Variants in ARHGAP27 observed in about 807,000 individuals in gnomAD.
ARHGAP27 encodes the protein Rho GTPase activating protein 27.
A neutral mutation model predicts 102.0 loss-of-function variants in ARHGAP27; 53 were observed. That is an observed-to-expected ratio of 0.52 (90% CI 0.42 to 0.65). The LOEUF (loss-of-function observed/expected upper bound fraction) is 0.65. Among genes scored for constraint, ARHGAP27 ranks in the 30% least tolerant of loss-of-function variants. The pLI, the probability that ARHGAP27 is intolerant of heterozygous loss-of-function variation, is 0.00. For missense variants in ARHGAP27, 1,117 were observed against 1,256.2 expected (o/e 0.89, Z 1.68); for synonymous variants, 525 against 542.8 (o/e 0.97, Z 0.46).
chr17:45,395,228 C>T lies in ARHGAP27; in HGVS notation c.*228G>A, dbSNP rs1597745510. ...AAACCGAATTAACCCCCAAACAGGACGTGACGGGAAGGGAAGGGGGGATGG... is the reference window on the plus strand; with the variant it reads ...AAACCGAATTAACCCCCAAACAGGATGTGACGGGAAGGGAAGGGGGGATGG... On this transcript the variant is annotated 3_prime_UTR_variant, in exon 20 of 20. Transcript: ENST00000685559. 3 of 594,032 alleles carry T rather than the reference C, an allele frequency of 5.1e-6. No homozygotes were observed. In the East Asian group the frequency reaches 8.7e-5, roughly 17 times the overall value. 36.8% of individuals were successfully genotyped at this position (594,032 alleles called of 1,614,324 possible). A position where few individuals can be genotyped will look rare whatever the true frequency, so the allele number is the denominator to read the frequency against.
intron 4 of ARHGAP27, among the ~76,000 whole-genome samples, chr17:45,412,871 T>C (rs2048062445): frequency 6.6e-6 from 1 of 151,022 alleles, no homozygotes; most frequent in Non-Finnish European, 1.5e-5. Context: ...GGAAGTGGTT[T>C]GGGCCGGGAC....
At position 45,404,987 on chromosome 17, in the gene ARHGAP27, G is replaced by A; in HGVS notation, c.1185C>T (p.Gly395=). ...GPTSPLTTPP[G]WSCHVSQDKQ... ...TGTCCTGGCTGACATGACAAGACCA[G>A]CCGGGGGGTGTGGTCAAGGGAGAGG... Residue 395 remains glycine (G), a synonymous_variant, in exon 6 of 20, where the codon GGC becomes GGT. Coordinates refer to ENST00000685559, the MANE Select transcript of ARHGAP27 (RefSeq NM_001282290.2). 1 of 1,614,128 alleles carries A rather than the reference G, an allele frequency of 6.2e-7. No individual in the cohort carries two copies. Among genetic ancestry groups the A allele is most frequent in the Non-Finnish European group, 8.5e-7 (1 of 1,180,000 alleles).
chr17:45,395,394 G>A lies in ARHGAP27; in HGVS notation c.*62C>T. ...CAGAGAGAAGAAGGCCCGGCTGCGT[G>A]GCCTCCGCCGCCCAGCTTGTGTGGC... On this transcript the variant is annotated 3_prime_UTR_variant, in exon 20 of 20. Coordinates refer to ENST00000685559, the MANE Select transcript of ARHGAP27 (RefSeq NM_001282290.2). 4 of 1,501,142 alleles carry A rather than the reference G, an allele frequency of 2.7e-6. No homozygotes were observed. In the South Asian group the frequency reaches 5.2e-5, roughly 20 times the overall value. The allele number at this position is 1,501,142 out of a possible 1,614,324, so 93.0% of individuals were successfully genotyped here. A position where few individuals can be genotyped will look rare whatever the true frequency, so the allele number is the denominator to read the frequency against.
rs2049740626 is a variant in ARHGAP27 at position 45,427,558 on chromosome 17, G to A, written c.657+2065C>T. ...CTGGGACAACTAAGAGCAGGGATGG[G>A]GTTCCCTTGCGGGGGCAGGGCCAAC... On this transcript the variant is annotated intron_variant, in intron 4 of 19. Coordinates refer to ENST00000685559, the MANE Select transcript of ARHGAP27 (RefSeq NM_001282290.2). The surrounding 1 kb of genome is among the most constrained non-coding windows in gnomAD (Gnocchi z 4.5). Among the ~76,000 whole-genome samples the A allele has an allele frequency of 6.6e-6, 1 of 152,230 alleles. No individual in the cohort carries two copies. The highest frequency in any genetic ancestry group is 2.4e-5 in the African/African-American group (1 of 41,464).
In ARHGAP27 at chr17:45,396,202, C is replaced by G; in HGVS notation, c.2251+5G>C. On this transcript the variant is annotated splice_donor_5th_base_variant and intron_variant, in intron 17 of 19. Coordinates refer to ENST00000685559, the MANE Select transcript of ARHGAP27 (RefSeq NM_001282290.2). Reference sequence around the variant, plus strand: ...CCTGGGGCAGGGGTTGGGGACGGGCCTCACCGTGGTCCACCTTATAGCGTA... The same window carrying G: ...CCTGGGGCAGGGGTTGGGGACGGGCGTCACCGTGGTCCACCTTATAGCGTA... The G allele has an allele frequency of 6.2e-7, 1 of 1,607,920 alleles. No homozygotes were observed. Among genetic ancestry groups the G allele is most frequent in the Non-Finnish European group, 8.5e-7 (1 of 1,176,326 alleles).
In ARHGAP27 at chr17:45,404,509, C is replaced by T. The variant is rs760578058; in HGVS notation, c.1349G>A (p.Arg450Gln). The change falls in exon 8 of 20, where the codon CGA (arginine) becomes CAA (glutamine). Residue 450 changes from arginine to glutamine, a missense_variant. This residue lies in a region of ARHGAP27 where 610 missense variants were observed against 716.4 expected (regional missense o/e 0.85). Coordinates refer to ENST00000685559, the MANE Select transcript of ARHGAP27 (RefSeq NM_001282290.2). ...ATCCTGGCTGGATTTATGGATGCTT[C>T]GAGGGGCAGGGACAGGGACCTGGGG... ...ELPQVPVPAP[R>Q]SIHKSSQDGD... The T allele has an allele frequency of 2.9e-5, 47 of 1,613,308 alleles. No individual in the cohort carries two copies. Among genetic ancestry groups the T allele is most frequent in the African/African-American group, 5.3e-5 (4 of 74,842 alleles).
rs1040654679 is a variant in ARHGAP27 at position 45,412,683 on chromosome 17, C to G, written c.658-6600G>C. Among the ~76,000 whole-genome samples the G allele has an allele frequency of 3.3e-5, 5 of 152,224 alleles. No homozygotes were observed. In the East Asian group the frequency reaches 9.6e-4, roughly 29 times the overall value. On this transcript the variant is annotated intron_variant, in intron 4 of 19. Coordinates refer to ENST00000685559, the MANE Select transcript of ARHGAP27 (RefSeq NM_001282290.2). ...ATGTCCACACGACAGGTCCCTCCCC[C>G]AAACACATGTTCTCCAGGACAGAAA...
intron 4 of ARHGAP27, chr17:45,409,490 G>C (rs1472635052): frequency 6.6e-6 from 1 of 152,300 alleles, no homozygotes; most frequent in Non-Finnish European, 1.5e-5. Context: ...GCATTCTGAG[G>C]ACTAGGGCTG....
At position 45,410,051 on chromosome 17, in the gene ARHGAP27, G is replaced by A. The variant is rs1170417854; in HGVS notation, c.658-3968C>T. On this transcript the variant is annotated intron_variant, in intron 4 of 19. Coordinates refer to ENST00000685559, the MANE Select transcript of ARHGAP27 (RefSeq NM_001282290.2). ...CTGTCCACAAGCAGGTGGCAGCCCT[G>A]CCACTCTTGCCCCAAGCTGACCACC... The A allele has an allele frequency of 6.8e-6, 5 of 729,980 alleles. No individual in the cohort carries two copies. In the African/African-American group the frequency reaches 7.4e-5, roughly 11 times the overall value. The allele number at this position is 729,980 out of a possible 1,614,324, so 45.2% of individuals were successfully genotyped here.
rs1445254799 is a variant in ARHGAP27, at chr17:45,430,403, G to A, written c.-18-106C>T. On this transcript the variant is annotated intron_variant, in intron 3 of 19. Coordinates refer to ENST00000685559, the MANE Select transcript of ARHGAP27 (RefSeq NM_001282290.2). The surrounding 1 kb of genome is among the most constrained non-coding windows in gnomAD (Gnocchi z 4.4). ...TTCGAGTCCCGATCCTGCACTCGCCGTTCGCCTTCGGGCCTCAGTTTTCCC... is the reference window on the plus strand; with the variant it reads ...TTCGAGTCCCGATCCTGCACTCGCCATTCGCCTTCGGGCCTCAGTTTTCCC... 7 of 1,442,620 alleles carry A rather than the reference G, an allele frequency of 4.9e-6. No homozygotes were observed. In the South Asian group the frequency reaches 5.6e-5, roughly 12 times the overall value. 89.4% of individuals were successfully genotyped at this position (1,442,620 alleles called of 1,614,324 possible).
chr17:45,429,529 G>A, intron 4 of ARHGAP27, 94 bp downstream of exon 4: 1 of 1,542,506 alleles, frequency 6.5e-7, no homozygotes, highest in Non-Finnish European at 8.6e-7. Context: ...CGTGCCCGAC[G>A]CTGAGCGGAG....
chr17:45,413,515 C>T (rs950921134), intron 4 of ARHGAP27, among the ~76,000 whole-genome samples: 11 of 152,150 alleles, frequency 7.2e-5, no homozygotes, highest in African/African-American at 1.7e-4. Flanking sequence ...AACCCTACTC[C>T]GTCACAGGGC....
rs1270951028 is a variant in ARHGAP27 at position 45,429,872 on chromosome 17, C to A, written c.408G>T (p.Ala136=). 5.4e-6 allele frequency: 7 copies of A among 1,301,848 alleles called. No homozygotes were observed. Among genetic ancestry groups the A allele is most frequent in the Middle Eastern group, 3.0e-4 (1 of 3,368 alleles). The allele number at this position is 1,301,848 out of a possible 1,614,324, so 80.6% of individuals were successfully genotyped here. The change falls in exon 4 of 20, where the codon GCG becomes GCT. Residue 136 remains alanine (A), a synonymous_variant. Transcript: ENST00000685559. ...RGAATQRSSL[A]PGLPACLYLR... ...GGTACAGGCAGGCTGGCAGGCCGGGCGCCAGGCTGCTGCGCTGGGTCGCGG... is the reference window on the plus strand; with the variant it reads ...GGTACAGGCAGGCTGGCAGGCCGGGAGCCAGGCTGCTGCGCTGGGTCGCGG...
chr17:45,424,585 G>C (rs998922775), intron 4 of ARHGAP27, among the ~76,000 whole-genome samples: 2 of 149,938 alleles, frequency 1.3e-5, no homozygotes, highest in African/African-American at 4.9e-5. Flanking sequence ...GAAGGGCAGA[G>C]AAAACAGGTC....
In ARHGAP27 at chr17:45,404,441, C is replaced by T. The variant is rs1186454738; in HGVS notation, c.1413+4G>A. 1.9e-6 allele frequency: 3 copies of T among 1,614,122 alleles called. No individual in the cohort carries two copies. The highest frequency in any genetic ancestry group is 2.2e-5 in the East Asian group (1 of 44,894). The stretch of plus-strand genomic sequence containing the variant: ...TGCCAGGACCTCAATGGCTCCTCCC[C>T]TACCTTCTCCTCTGGAGGGCTGGCC... On this transcript the variant is annotated splice_donor_region_variant and intron_variant, in intron 8 of 19. Transcript: ENST00000685559.
intron 13 of ARHGAP27, chr17:45,397,307 T>G (rs1024224257): frequency 6.1e-6 from 8 of 1,311,050 alleles, no homozygotes; most frequent in African/African-American, 1.5e-5. Flanking sequence ...GGTGCCTTCT[T>G]TCTCTATTTT....
In ARHGAP27 at chr17:45,403,637, G is replaced by A. The variant is rs1472924329; in HGVS notation, c.1620C>T (p.Thr540=). 6.2e-7 allele frequency: 1 copy of A among 1,614,040 alleles called. No individual in the cohort carries two copies. The highest frequency in any genetic ancestry group is 8.5e-7 in the Non-Finnish European group (1 of 1,180,004). ...GVLTFFKDSK[T]SAAGGLRQPS... ...GCCTTACCAGGCCGCCTGCAGCCGAGGTCTTTGAGTCCTTGAAGAATGTCA... is the reference window on the plus strand; with the variant it reads ...GCCTTACCAGGCCGCCTGCAGCCGAAGTCTTTGAGTCCTTGAAGAATGTCA... The change falls in exon 11 of 20, where the codon ACC becomes ACT. Residue 540 remains threonine, a synonymous_variant. Coordinates refer to ENST00000685559, the MANE Select transcript of ARHGAP27 (RefSeq NM_001282290.2).
chr17:45,412,685 A>C (rs2048043826), intron 4 of ARHGAP27, among the ~76,000 whole-genome samples: 1 of 152,142 alleles, frequency 6.6e-6, no homozygotes, highest in Non-Finnish European at 1.5e-5. Context: ...CCCTCCCCCA[A>C]ACACATGTTC....
chr17:45,404,821 CTG>C, intron 6 of ARHGAP27, 101 bp downstream of exon 6: 1 of 1,558,370 alleles, frequency 6.4e-7, no homozygotes. Flanking sequence ...GGTTTAGGCT[CTG>C]TGTGGGAGCT....
Sources: gnomAD v4.1 joint callset for allele counts (sites outside exome capture counted in the v4.1 genomes callset) on GRCh38, gnomAD v4.1.1 for gene constraint, gnomAD v4.1.1 regional missense constraint, Gnocchi (gnomAD v3.1) non-coding constraint, MANE v1.5 for transcripts, NCBI Gene and HGNC (gene_info 2026-07-23, HGNC 2026-07-21) for gene names.